The following LPP variants were observed in gnomAD, a reference collection of about 807,000 sequenced individuals.
LPP encodes LIM domain containing preferred translocation partner in lipoma.
Under a neutral mutation model 60.4 loss-of-function variants are expected in LPP, and 38 were observed. That is an observed-to-expected ratio of 0.63 (90% CI 0.49 to 0.83). The LOEUF is 0.83. Ranked by LOEUF, LPP falls within the 40% of genes least tolerant of loss-of-function variation. LPP has a pLI of 0.00. For synonymous variants in LPP, 328 were observed against 290.8 expected, an observed-to-expected ratio of 1.13 and a Z score of -1.30; for missense variants, 902 against 783.6, an observed-to-expected ratio of 1.15 and a Z score of -1.80.
In LPP at chr3:188,657,895, A is replaced by G. The variant is rs112070133; in HGVS notation, c.1113+48051A>G. Reference sequence around the variant, plus strand: ...TACAGCGTTGGTCCTCTCTTATAACATTGTTAGAGTAGATACTGTAAACTG... The same window carrying G: ...TACAGCGTTGGTCCTCTCTTATAACGTTGTTAGAGTAGATACTGTAAACTG... On this transcript the variant is annotated intron_variant, in intron 7 of 11. Transcript: ENST00000617246. Among the ~76,000 whole-genome samples, 431 of 152,262 alleles carry G rather than the reference A, an allele frequency of 2.8e-3. 1 individual carries two copies. Among genetic ancestry groups the G allele is most frequent in the African/African-American group, 9.4e-3 (392 of 41,550 alleles).
intron 1 of LPP, among the ~76,000 whole-genome samples, chr3:188,170,329 CTTTT>C (rs34760455): frequency 4.1e-5 from 4 of 96,436 alleles, no homozygotes; most frequent in East Asian, 3.1e-4. Flanking sequence ...CTTTTCTTTT[CTTTT>C]TTTTTTTTTT....
At chr3:188,270,304 CACACA>C (rs1458866378) in intron 2 of LPP, among the ~76,000 whole-genome samples, 4 of 150,562 alleles carry the variant, frequency 2.7e-5, no homozygotes, top group African/African-American at 9.7e-5. Context: ...TGTGTGTGGA[CACACA>C]CACACACACA....
chr3:188,203,458 AATATATATATTTTTAAAT>A (rs1407987892), intron 1 of LPP, among the ~76,000 whole-genome samples: 38 of 90,292 alleles, frequency 4.2e-4, no homozygotes, highest in Middle Eastern at 7.9e-3. Context: ...AATATATATA[AATATATATATTTTTAAAT>A]ATATATATAT....
chr3:188,212,319 C>G (rs1711574576), intron 1 of LPP, among the ~76,000 whole-genome samples: 1 of 152,188 alleles, frequency 6.6e-6, no homozygotes, highest in South Asian at 2.1e-4. Flanking sequence ...TTAAGATGAG[C>G]TTAAAGCCTT....
chr3:188,480,710 T>A (rs564284808), intron 4 of LPP, among the ~76,000 whole-genome samples: 3 of 152,304 alleles, frequency 2.0e-5, no homozygotes, highest in Non-Finnish European at 4.4e-5. Flanking sequence ...TCCCTGTAGG[T>A]CAGAGAATCT....
chr3:188,452,220 A>T (rs1467442861), intron 4 of LPP, among the ~76,000 whole-genome samples: 1 of 152,182 alleles, frequency 6.6e-6, no homozygotes, highest in Admixed American at 6.5e-5. Context: ...AAGTTTCCTC[A>T]CTGTTATCAA....
chr3:188,378,050 C>T (rs533723548), intron 3 of LPP, among the ~76,000 whole-genome samples: 21 of 152,252 alleles, frequency 1.4e-4, no homozygotes, highest in African/African-American at 2.6e-4. Flanking sequence ...TGCTGCTGCC[C>T]GATCATTCCT....
At chr3:188,264,588 G>C (rs1734800939) in intron 2 of LPP, among the ~76,000 whole-genome samples, 1 of 152,016 alleles carries the variant, frequency 6.6e-6, no homozygotes, top group South Asian at 2.1e-4. Flanking sequence ...AGGGAGGTGG[G>C]GTTTGGAGAA....
chr3:188,708,144 G>A lies in LPP; in HGVS notation c.1114-123G>A, dbSNP rs41268627. The A allele has an allele frequency of 6.8e-3, 7,002 of 1,035,706 alleles. 49 individuals are homozygous for A. The highest frequency in any genetic ancestry group is 8.6e-3 in the Non-Finnish European group (6,122 of 710,306). The allele number at this position is 1,035,706 out of a possible 1,614,324, so 64.2% of individuals were successfully genotyped here. A position where few individuals can be genotyped will look rare whatever the true frequency, so the allele number is the denominator to read the frequency against. ...GTGATAAAACTAATTCTAAAACCCA[G>A]GTCTCCTGACAGCCACGTCCAGTGC... On this transcript the variant is annotated intron_variant, in intron 7 of 11. Coordinates refer to ENST00000617246, the MANE Select transcript of LPP (RefSeq NM_001375462.1).
At chr3:188,231,916 A>C (rs1010696937) in intron 2 of LPP, among the ~76,000 whole-genome samples, 2 of 152,182 alleles carry the variant, frequency 1.3e-5, no homozygotes, top group African/African-American at 4.8e-5. Flanking sequence ...ATAAATCAAT[A>C]TTACACGGCT....
At chr3:188,269,503 C>T (rs1577714289) in intron 2 of LPP, among the ~76,000 whole-genome samples, 2 of 152,250 alleles carry the variant, frequency 1.3e-5, no homozygotes, top group African/African-American at 4.8e-5. Flanking sequence ...TGCAGGTTAT[C>T]CTTGCTTTCA....
rs186029722 is a variant in LPP at position 188,827,710 on chromosome 3, G to A, written c.1411-38490G>A. ...CAAATGGTGGGGGCAGGGGTAGGGGGAAGATTCCTTTCTCCAGCATGTAAC... is the reference window on the plus strand; with the variant it reads ...CAAATGGTGGGGGCAGGGGTAGGGGAAAGATTCCTTTCTCCAGCATGTAAC... On this transcript the variant is annotated intron_variant, in intron 9 of 11. Coordinates refer to ENST00000617246, the MANE Select transcript of LPP (RefSeq NM_001375462.1). 2.7e-3 allele frequency among the ~76,000 whole-genome samples: 404 copies of A among 152,114 alleles called. 1 individual carries two copies. Among genetic ancestry groups the A allele is most frequent in the Middle Eastern group, 0.017 (5 of 294 alleles).
intron 2 of LPP, among the ~76,000 whole-genome samples, chr3:188,242,276 A>G (rs139159760): frequency 1.3e-5 from 2 of 152,278 alleles, no homozygotes; most frequent in East Asian, 1.9e-4. Context: ...CTTATAGGTA[A>G]AAGCCTGCTT....
intron 2 of LPP, among the ~76,000 whole-genome samples, chr3:188,245,840 C>A (rs1277297362): frequency 6.6e-6 from 1 of 152,076 alleles, no homozygotes; most frequent in Non-Finnish European, 1.5e-5. Context: ...CCACACCCAG[C>A]CCAGCCCTGC....
intron 2 of LPP, among the ~76,000 whole-genome samples, chr3:188,272,614 C>A (rs780765281): frequency 6.6e-6 from 1 of 152,120 alleles, no homozygotes; most frequent in Non-Finnish European, 1.5e-5. Context: ...ACGGCAGAGT[C>A]ATTGGGTCAG....
intron 3 of LPP, among the ~76,000 whole-genome samples, chr3:188,366,179 T>C (rs1771106251): frequency 6.6e-6 from 1 of 152,244 alleles, no homozygotes; most frequent in South Asian, 2.1e-4. Context: ...CAACATTTCC[T>C]CCAGATTCAT....
At chr3:188,160,833 A>C (rs1577047017) in intron 1 of LPP, among the ~76,000 whole-genome samples, 1 of 152,270 alleles carries the variant, frequency 6.6e-6, no homozygotes, top group Non-Finnish European at 1.5e-5. Flanking sequence ...AGAAGATGCT[A>C]AGGCTCTAAT....
intron 4 of LPP, among the ~76,000 whole-genome samples, chr3:188,439,345 A>G (rs1793191915): frequency 6.6e-6 from 1 of 152,224 alleles, no homozygotes; most frequent in Non-Finnish European, 1.5e-5. Context: ...ACTTCTGCAA[A>G]TGAGTTACTT....
intron 9 of LPP, among the ~76,000 whole-genome samples, chr3:188,830,191 C>A (rs1230777055): frequency 6.6e-6 from 1 of 150,568 alleles, no homozygotes; most frequent in Non-Finnish European, 1.5e-5. Context: ...AACAAAAGAT[C>A]TTTAGAATTT....
Sources: allele counts gnomAD v4.1 joint callset (sites outside exome capture counted in the v4.1 genomes callset), GRCh38; gene constraint gnomAD v4.1.1; transcripts MANE v1.5; gene names NCBI Gene and HGNC (gene_info 2026-07-23, HGNC 2026-07-21).